The following STEAP2 variants were observed in gnomAD, a reference collection of about 807,000 sequenced individuals.
STEAP2 encodes the protein STEAP2 metalloreductase.
A neutral mutation model predicts 46.4 loss-of-function variants in STEAP2; 30 were observed. The observed-to-expected ratio is 0.65, with a 90% CI of 0.48 to 0.88. The LOEUF is 0.88. Among genes scored for constraint, STEAP2 ranks in the 40% least tolerant of loss-of-function variants. STEAP2 has a pLI of 0.00. For synonymous variants in STEAP2, 180 were observed against 200.5 expected (o/e 0.90, Z 0.86); for missense variants, 513 against 579.3 (o/e 0.89, Z 1.18).
At chr7:90,226,877 T>C (rs1795508439) in intron 3 of STEAP2, 94 bp from the exon 4 acceptor site, 1 of 1,217,772 alleles carries the variant, frequency 8.2e-7, no homozygotes. Context: ...TTCCTCAAGG[T>C]CATCACAGGT....
rs1296265691 is a variant in STEAP2 at position 90,235,422 on chromosome 7, T to A, written c.*2798T>A. On this transcript the variant is annotated 3_prime_UTR_variant, in exon 6 of 6. Transcript: ENST00000394621. ...ATGTGATTATTTTTCTTAATTGTTA[T>A]TTTTTATAATCATTATTTTTCTGAA... is the stretch of plus-strand genomic sequence containing the variant. 1 of 980,910 alleles carries A rather than the reference T, an allele frequency of 1.0e-6. No individual in the cohort carries two copies. The highest frequency in any genetic ancestry group is 1.7e-5 in the African/African-American group (1 of 57,158). The allele number at this position is 980,910 out of a possible 1,614,324, so 60.8% of individuals were successfully genotyped here.
chr7:90,230,136 G>A, intron 5 of STEAP2, 100 bp downstream of exon 5: 2 of 1,534,746 alleles, frequency 1.3e-6, no homozygotes, highest in East Asian at 2.3e-5. Flanking sequence ...GGGTGCCTTT[G>A]AGGCTGTATT....
chr7:90,230,783 T>C (rs575005783), intron 5 of STEAP2, among the ~76,000 whole-genome samples: 1 of 151,892 alleles, frequency 6.6e-6, no homozygotes, highest in Admixed American at 6.6e-5. Flanking sequence ...TACAGCATAG[T>C]AGACAGATTC....
At chr7:90,243,112 C>T (rs752701826), downstream of STEAP2, among the ~76,000 whole-genome samples, 2 of 152,118 alleles carry the variant, frequency 1.3e-5, no homozygotes, top group African/African-American at 4.8e-5. Flanking sequence ...TTGGTCTCTT[C>T]GGCTAGGATT....
intron 1 of STEAP2, chr7:90,212,381 C>T (rs538083816): frequency 3.3e-5 from 5 of 152,590 alleles, no homozygotes; most frequent in African/African-American, 1.2e-4. Flanking sequence ...TTACTTTCGC[C>T]CCCTTGATAG....
Position 90,225,098 on chromosome 7 carries a change from A to G in STEAP2, c.16A>G (p.Met6Val), listed in dbSNP as rs376335223. Residue 6 changes from methionine (M) to valine (V), a missense_variant, in exon 3 of 6, where the codon ATG becomes GTG. Met to Val is a conservative substitution (Grantham distance 21). Coordinates refer to ENST00000394621, the MANE Select transcript of STEAP2 (RefSeq NM_001244944.2). The part of the protein sequence containing the change: MESIS[M>V]MGSPKSLSET... ...TGTCCGTATCATGGAATCAATCTCT[A>G]TGATGGGAAGCCCTAAGAGCCTTAG... is the stretch of plus-strand genomic sequence containing the variant. 4.3e-5 allele frequency: 69 copies of G among 1,613,308 alleles called. No individual in the cohort carries two copies. The East Asian group carries it at 9.8e-4, about 23-fold the overall frequency.
At position 90,211,790 on chromosome 7, in the gene STEAP2, C is replaced by A. The variant is rs1181258327; in HGVS notation, c.-402C>A. ...GCCACGAGCTGTCCGGGCACGCAGC[C>A]CCTAGCGGCGCGTCGCTGCCAAGCC... On this transcript the variant is annotated 5_prime_UTR_variant, in exon 1 of 6. Coordinates refer to ENST00000394621, the MANE Select transcript of STEAP2 (RefSeq NM_001244944.2). The A allele has an allele frequency of 6.5e-6, 1 of 152,746 alleles. No homozygotes were observed. The highest frequency in any genetic ancestry group is 2.4e-5 in the African/African-American group (1 of 41,474). 9.5% of individuals were successfully genotyped at this position (152,746 alleles called of 1,614,324 possible). A position where few individuals can be genotyped will look rare whatever the true frequency, so the allele number is the denominator to read the frequency against.
At chr7:90,217,216 TG>T (rs1461207389) in intron 2 of STEAP2, among the ~76,000 whole-genome samples, 1 of 152,246 alleles carries the variant, frequency 6.6e-6, no homozygotes, top group Non-Finnish European at 1.5e-5. Context: ...TTGGAGTTTT[TG>T]GGGAATCCAT....
At chr7:90,239,377 A>G (rs1203357067), downstream of STEAP2, among the ~76,000 whole-genome samples, 1 of 152,250 alleles carries the variant, frequency 6.6e-6, no homozygotes, top group Non-Finnish European at 1.5e-5. Flanking sequence ...GAACTGTAAC[A>G]AAATAAATTT....
Position 90,232,995 on chromosome 7 carries a change from G to A in STEAP2, c.*371G>A. Reference sequence around the variant, plus strand: ...TTTAAGCTTTTAAAATAATTCAATGGATATACATTTTTTTCTGAAGATTAA... The same window carrying A: ...TTTAAGCTTTTAAAATAATTCAATGAATATACATTTTTTTCTGAAGATTAA... On this transcript the variant is annotated 3_prime_UTR_variant, in exon 6 of 6. Coordinates refer to ENST00000394621, the MANE Select transcript of STEAP2 (RefSeq NM_001244944.2). 2.1e-6 allele frequency: 2 copies of A among 961,720 alleles called. No homozygotes were observed. Among genetic ancestry groups the A allele is most frequent in the Non-Finnish European group, 2.5e-6 (2 of 808,124 alleles). The allele number at this position is 961,720 out of a possible 1,614,324, so 59.6% of individuals were successfully genotyped here. A position where few individuals can be genotyped will look rare whatever the true frequency, so the allele number is the denominator to read the frequency against.
chr7:90,217,814 T>G (rs1358136173), intron 2 of STEAP2, among the ~76,000 whole-genome samples: 1 of 151,996 alleles, frequency 6.6e-6, no homozygotes, highest in African/African-American at 2.4e-5. Context: ...GTATGGTAGT[T>G]CCATTTTTAG....
Position 90,235,610 on chromosome 7 carries a change from C to G in STEAP2, c.*2986C>G. On this transcript the variant is annotated 3_prime_UTR_variant, in exon 6 of 6. Coordinates refer to ENST00000394621, the MANE Select transcript of STEAP2 (RefSeq NM_001244944.2). ...TGTAGAAAAGATACTCAGTCTTAAT[C>G]CTATGCAAAAAAAAAAATCAAGTAA... 1.1e-6 allele frequency: 1 copy of G among 934,816 alleles called. No individual in the cohort carries two copies. The highest frequency in any genetic ancestry group is 1.2e-6 in the Non-Finnish European group (1 of 807,040). The allele number at this position is 934,816 out of a possible 1,614,324, so 57.9% of individuals were successfully genotyped here.
At chr7:90,213,223 T>C (rs938348247) in intron 1 of STEAP2, among the ~76,000 whole-genome samples, 3 of 152,130 alleles carry the variant, frequency 2.0e-5, no homozygotes, top group African/African-American at 7.2e-5. Flanking sequence ...CTTGAGCAAA[T>C]TGTGCAGTAA....
chr7:90,234,619 C>T lies in STEAP2; in HGVS notation c.*1995C>T, dbSNP rs1466072791. On this transcript the variant is annotated 3_prime_UTR_variant, in exon 6 of 6. Coordinates refer to ENST00000394621, the MANE Select transcript of STEAP2 (RefSeq NM_001244944.2). ...AGGCTGGAGTGCAGTGGCACGATCT[C>T]GGCTCACTGCAAGCTCTGCCTCCCG... 11 of 787,176 alleles carry T rather than the reference C, an allele frequency of 1.4e-5. No homozygotes were observed. The highest frequency in any genetic ancestry group is 1.2e-4 in the South Asian group (2 of 17,182). The allele number at this position is 787,176 out of a possible 1,614,324, so 48.8% of individuals were successfully genotyped here.
At chr7:90,219,729 A>G (rs147991493) in intron 2 of STEAP2, among the ~76,000 whole-genome samples, 1 of 152,162 alleles carries the variant, frequency 6.6e-6, no homozygotes, top group Non-Finnish European at 1.5e-5. Flanking sequence ...ACACGCGCGC[A>G]CACACACAAT....
intron 4 of STEAP2, among the ~76,000 whole-genome samples, chr7:90,229,095 T>C (rs1795630399): frequency 6.6e-6 from 1 of 152,204 alleles, no homozygotes; most frequent in African/African-American, 2.4e-5. Flanking sequence ...GTCCAATACT[T>C]GATTTATACT....
At chr7:90,230,688 G>T (rs2116345485) in intron 5 of STEAP2, among the ~76,000 whole-genome samples, 1 of 151,766 alleles carries the variant, frequency 6.6e-6, no homozygotes, top group East Asian at 1.9e-4. Flanking sequence ...TAAATAATAA[G>T]GTTGCATATT....
intron 5 of STEAP2, among the ~76,000 whole-genome samples, chr7:90,231,439 G>C (rs1795744314): frequency 6.6e-6 from 1 of 151,684 alleles, no homozygotes; most frequent in Non-Finnish European, 1.5e-5. Flanking sequence ...TAACAGTAGG[G>C]AACGTTCTGA....
intron 1 of STEAP2, 51 bp downstream of exon 1, chr7:90,212,096 G>T (rs763629486): frequency 9.2e-5 from 14 of 152,560 alleles, no homozygotes; most frequent in Admixed American, 2.0e-4. Context: ...GCGGAGTTGA[G>T]GGTCAAGATG....
Sources: allele counts gnomAD v4.1 joint callset (sites outside exome capture counted in the v4.1 genomes callset), GRCh38; gene constraint gnomAD v4.1.1; transcripts MANE v1.5; gene names NCBI Gene and HGNC (gene_info 2026-07-23, HGNC 2026-07-21).